The following CD163L1 variants were observed in gnomAD, a reference collection of about 807,000 sequenced individuals.
The protein encoded by CD163L1 is scavenger receptor cysteine-rich type 1 protein M160.
A neutral mutation model predicts 165.4 loss-of-function variants in CD163L1; 124 were observed. That is an observed-to-expected ratio of 0.75 (90% CI 0.65 to 0.87). The LOEUF is 0.87. Ranked by LOEUF, CD163L1 falls within the 40% of genes least tolerant of loss-of-function variation. The pLI is 0.00. For synonymous variants in CD163L1, 585 were observed against 662.2 expected, an observed-to-expected ratio of 0.88 and a Z score of 1.79; for missense variants, 1,525 against 1,799.9, an observed-to-expected ratio of 0.85 and a Z score of 2.76.
chr12:7,331,807 G>A, the CD163L1 span, among the ~76,000 whole-genome samples: 2 of 152,048 alleles, frequency 1.3e-5, no homozygotes, highest in African/African-American at 4.8e-5. Context: ...AAAGACCAAA[G>A]GTAGATAAAA....
chr12:7,419,267 G>A (rs1229392585), intron 4 of CD163L1, among the ~76,000 whole-genome samples: 1 of 151,576 alleles, frequency 6.6e-6, no homozygotes, highest in Non-Finnish European at 1.5e-5. Context: ...AAAATCACAT[G>A]ATCAACAGAT....
intron 8 of CD163L1, among the ~76,000 whole-genome samples, chr12:7,395,851 T>C (rs1454383560): frequency 6.6e-6 from 1 of 152,210 alleles, no homozygotes; most frequent in African/African-American, 2.4e-5. Context: ...TATTGACTAG[T>C]GGTTTGATGA....
At chr12:7,387,027 GT>G (rs1947534742) in intron 8 of CD163L1, among the ~76,000 whole-genome samples, 1 of 152,086 alleles carries the variant, frequency 6.6e-6, no homozygotes, top group Non-Finnish European at 1.5e-5. Context: ...AAAAGAGAAA[GT>G]CAAATTGTCC....
Position 7,380,582 on chromosome 12 carries a change from C to T in CD163L1, c.2051-1284G>A, listed in dbSNP as rs143923553. Among the ~76,000 whole-genome samples, 45 of 151,896 alleles carry T rather than the reference C, an allele frequency of 3.0e-4. No homozygotes were observed. In the East Asian group the frequency reaches 5.4e-3, roughly 18 times the overall value. ...TCATAAGTGGGGGGCTAAGCTATGA[C>T]GATGCAAAGACATAAGAATAATACA... On this transcript the variant is annotated intron_variant, in intron 8 of 19. Transcript: ENST00000313599.
rs971959397 is a variant in CD163L1 at position 7,432,987 on chromosome 12, C to T, written c.446-251G>A. On this transcript the variant is annotated intron_variant, in intron 3 of 19. Transcript: ENST00000313599. This position sits in a 1 kb window ranked among gnomAD's most constrained non-coding sequence, Gnocchi z 4.2. ...TTTATCATTTTGCTTTAATTTTATACCTCATTTTTCAGAAAATATTTGTTC... is the reference window on the plus strand; with the variant it reads ...TTTATCATTTTGCTTTAATTTTATATCTCATTTTTCAGAAAATATTTGTTC... Among the ~76,000 whole-genome samples, 2 of 152,108 alleles carry T rather than the reference C, an allele frequency of 1.3e-5. No homozygotes were observed. The highest frequency in any genetic ancestry group is 2.1e-4 in the South Asian group (1 of 4,822).
the CD163L1 span, among the ~76,000 whole-genome samples, chr12:7,321,955 C>T: frequency 5.9e-5 from 9 of 152,306 alleles, no homozygotes; most frequent in South Asian, 1.7e-3. Context: ...TCAACTCAGT[C>T]CTTTATTACA....
At position 7,403,708 on chromosome 12, in the gene CD163L1, C is replaced by T. The variant is rs760931883; in HGVS notation, c.1235G>A (p.Cys412Tyr). The change falls in exon 6 of 20, where the codon TGT (cysteine) becomes TAT (tyrosine). Residue 412 changes from cysteine to tyrosine, a missense_variant. Physicochemically the swap from Cys to Tyr is radical, Grantham distance 194. Transcript: ENST00000313599. ...QALVVCKQLG[C>Y]PFSVFGSRRA... ...ACGACTGCCAAAGACGCTGAACGGA[C>T]ATCCTAGCTGCTTACAAACCACAAG... is the stretch of plus-strand genomic sequence containing the variant. 1.2e-6 allele frequency: 2 copies of T among 1,613,984 alleles called. No homozygotes were observed. Among genetic ancestry groups the T allele is most frequent in the Admixed American group, 3.3e-5 (2 of 59,974 alleles).
At chr12:7,403,903 T>G in intron 5 of CD163L1, 48 bp from the exon 6 acceptor site, 1 of 1,520,528 alleles carries the variant, frequency 6.6e-7, no homozygotes, top group Non-Finnish European at 9.0e-7. Context: ...TGGGACAATA[T>G]CATCAGCATC....
chr12:7,437,135 AT>A (rs1018269730), intron 2 of CD163L1, among the ~76,000 whole-genome samples: 98 of 73,562 alleles, frequency 1.3e-3, no homozygotes, highest in African/African-American at 8.6e-3. Flanking sequence ...TATTTATTTT[AT>A]TTATTATTTT....
intron 4 of CD163L1, among the ~76,000 whole-genome samples, chr12:7,414,913 T>A (rs1218749591): frequency 6.6e-6 from 1 of 152,034 alleles, no homozygotes; most frequent in African/African-American, 2.4e-5. Context: ...AAACAAAAAC[T>A]GAGAAAGTTT....
chr12:7,357,894 G>A (rs961085175), intron 18 of CD163L1, among the ~76,000 whole-genome samples: 3 of 152,128 alleles, frequency 2.0e-5, no homozygotes, highest in Non-Finnish European at 4.4e-5. Context: ...ATAAAGAATT[G>A]TTGTCTGTGG....
chr12:7,388,514 G>GCCC (rs773313508), intron 8 of CD163L1, among the ~76,000 whole-genome samples: 3,947 of 152,260 alleles, frequency 0.026, 89 homozygotes, highest in Non-Finnish European at 0.041. Context: ...AGGCCAAGGA[G>GCCC]GGCAGATCAC....
intron 4 of CD163L1, among the ~76,000 whole-genome samples, chr12:7,421,637 GTACACATATACATATA>G (rs1464778885): frequency 7.4e-5 from 7 of 94,808 alleles, no homozygotes; most frequent in Non-Finnish European, 1.1e-4. Flanking sequence ...ATACATATAT[GTACACATATACATATA>G]TGTACATATA....
At chr12:7,351,107 C>G (rs1422869890), downstream of CD163L1, among the ~76,000 whole-genome samples, 1 of 151,884 alleles carries the variant, frequency 6.6e-6, no homozygotes, top group African/African-American at 2.4e-5. Context: ...ATAAAGTCTT[C>G]TTTGATCTAA....
At chr12:7,434,540 A>T (rs1369197663) in intron 2 of CD163L1, among the ~76,000 whole-genome samples, 1 of 152,188 alleles carries the variant, frequency 6.6e-6, no homozygotes, top group African/African-American at 2.4e-5. Flanking sequence ...TAAAGCAACC[A>T]TGAGTTTTCA....
chr12:7,388,933 G>C (rs1823683912), intron 8 of CD163L1, among the ~76,000 whole-genome samples: 1 of 152,112 alleles, frequency 6.6e-6, no homozygotes, highest in South Asian at 2.1e-4. Flanking sequence ...GCAAATCATT[G>C]AATCTCATTC....
intron 5 of CD163L1, 93 bp from the exon 6 acceptor site, chr12:7,403,948 T>G: frequency 3.2e-6 from 3 of 947,352 alleles, no homozygotes; most frequent in Non-Finnish European, 4.8e-6. Context: ...GAAGATTAGA[T>G]GTATCCTTCA....
chr12:7,405,328 C>G (rs1232871040), intron 5 of CD163L1, among the ~76,000 whole-genome samples: 1 of 152,002 alleles, frequency 6.6e-6, no homozygotes, highest in Non-Finnish European at 1.5e-5. Flanking sequence ...TCCCTCTTTT[C>G]TCTCCTAACT....
intron 18 of CD163L1, among the ~76,000 whole-genome samples, chr12:7,364,336 T>G (rs1380671502): frequency 6.6e-6 from 1 of 152,142 alleles, no homozygotes; most frequent in African/African-American, 2.4e-5. Flanking sequence ...AATATGATAC[T>G]AAATGGGGAA....
Sources: allele counts gnomAD v4.1 joint callset (sites outside exome capture counted in the v4.1 genomes callset), GRCh38; gene constraint gnomAD v4.1.1; non-coding constraint Gnocchi (gnomAD v3.1); transcripts MANE v1.5; gene names NCBI Gene and HGNC (gene_info 2026-07-23, HGNC 2026-07-21).